ROBO2: variants seen among roughly 807,000 people sequenced by gnomAD.
ROBO2 encodes roundabout homolog 2.
Under a neutral mutation model 160.8 loss-of-function variants are expected in ROBO2, and 53 were observed. The ratio of observed to expected loss-of-function variants is 0.33; its 90% CI spans 0.26 to 0.41. The LOEUF (loss-of-function observed/expected upper bound fraction) is 0.41, where lower values mean the gene tolerates loss of function less well. ROBO2 is among the 10% of genes least tolerant of loss of function. ROBO2 has a pLI of 1.00. For missense variants in ROBO2, 1,577 were observed against 1,722.4 expected (o/e 0.92, Z 1.49); for synonymous variants, 664 against 611.7 (o/e 1.09, Z -1.26).
intron 2 of ROBO2, among the ~76,000 whole-genome samples, chr3:76,031,572 A>G (rs1250108583): frequency 6.6e-6 from 1 of 152,164 alleles, no homozygotes; most frequent in Non-Finnish European, 1.5e-5. Context: ...TTTAGCATGA[A>G]GGGCTGTTGA....
intron 2 of ROBO2, among the ~76,000 whole-genome samples, chr3:76,905,935 GC>G (rs909955908): frequency 9.9e-5 from 15 of 152,084 alleles, no homozygotes; most frequent in African/African-American, 3.4e-4. Context: ...TCTCTTAATG[GC>G]TTTATTTTTC....
At chr3:77,432,061 A>C (rs1319926344) in intron 2 of ROBO2, among the ~76,000 whole-genome samples, 1 of 152,176 alleles carries the variant, frequency 6.6e-6, no homozygotes, top group Admixed American at 6.5e-5. Context: ...GCAGCATATA[A>C]TGAATGTGCA....
chr3:77,126,782 C>CTTTTT (rs11365042), intron 2 of ROBO2, among the ~76,000 whole-genome samples: 68 of 62,606 alleles, frequency 1.1e-3, no homozygotes, highest in Middle Eastern at 0.017. Context: ...TTTGAAACTT[C>CTTTTT]TTTTTTTTTT....
chr3:76,255,606 AT>A (rs1471821095), intron 2 of ROBO2, among the ~76,000 whole-genome samples: 1 of 151,894 alleles, frequency 6.6e-6, no homozygotes, highest in South Asian at 2.1e-4. Flanking sequence ...CAAAAAAAAA[AT>A]TTGAGTATTT....
chr3:76,435,063 AAGTGTGT>A (rs2076609136), intron 2 of ROBO2: 2 of 1,110,764 alleles, frequency 1.8e-6, no homozygotes, highest in Admixed American at 3.4e-5. Context: ...TTACATATAC[AAGTGTGT>A]CAACATGACA....
chr3:76,284,339 C>G (rs530829772), intron 2 of ROBO2, among the ~76,000 whole-genome samples: 3 of 151,958 alleles, frequency 2.0e-5, no homozygotes, highest in East Asian at 1.9e-4. Context: ...TCTGGTCTTT[C>G]CCTGATGTTT....
chr3:77,507,523 T>G (rs1413975289), intron 5 of ROBO2, among the ~76,000 whole-genome samples: 15 of 152,208 alleles, frequency 9.9e-5, no homozygotes, highest in Admixed American at 3.3e-4. Context: ...ACTTCCAGTC[T>G]GAGCTGTGAG....
At chr3:77,374,699 A>G (rs1297694924) in intron 2 of ROBO2, among the ~76,000 whole-genome samples, 1 of 152,182 alleles carries the variant, frequency 6.6e-6, no homozygotes, top group Non-Finnish European at 1.5e-5. Flanking sequence ...GGTTTAAAAT[A>G]TACTTTGCTG....
intron 2 of ROBO2, among the ~76,000 whole-genome samples, chr3:76,597,822 G>C (rs1236051542): frequency 1.3e-5 from 2 of 152,070 alleles, no homozygotes; most frequent in East Asian, 3.9e-4. Context: ...GCATTAGTTT[G>C]TTAAGGATTA....
intron 2 of ROBO2, among the ~76,000 whole-genome samples, chr3:77,417,468 G>A (rs768047037): frequency 3.9e-5 from 6 of 152,058 alleles, no homozygotes; most frequent in East Asian, 1.9e-4. Flanking sequence ...AATGATAATA[G>A]TTTTAAGATT....
At position 76,554,986 on chromosome 3, in the gene ROBO2, T is replaced by A. The variant is rs1328175262; in HGVS notation, c.110-543028T>A. Among the ~76,000 whole-genome samples the A allele has an allele frequency of 2.0e-5, 3 of 152,022 alleles. No homozygotes were observed. The East Asian group carries it at 5.8e-4, about 29-fold the overall frequency. The stretch of plus-strand genomic sequence containing the variant: ...ATGCTTGCACAACAAAAGCATGTGG[T>A]TAAAATCTATTTTTGTCACCAGCAA... On this transcript the variant is annotated intron_variant, in intron 2 of 26. Transcript: ENST00000487694.
At chr3:77,209,318 A>T (rs1166457341) in intron 2 of ROBO2, among the ~76,000 whole-genome samples, 1 of 152,196 alleles carries the variant, frequency 6.6e-6, no homozygotes, top group South Asian at 2.1e-4. Flanking sequence ...CAAAATATTT[A>T]TATTACAAAA....
At chr3:77,201,207 A>G (rs1021312539) in intron 2 of ROBO2, among the ~76,000 whole-genome samples, 4 of 152,220 alleles carry the variant, frequency 2.6e-5, no homozygotes, top group African/African-American at 9.6e-5. Flanking sequence ...CTGCTCATAA[A>G]ATAGAACAAC....
chr3:76,209,106 T>G (rs899190351), intron 2 of ROBO2, among the ~76,000 whole-genome samples: 4 of 152,206 alleles, frequency 2.6e-5, no homozygotes, highest in African/African-American at 9.6e-5. Context: ...TTGTCAGAAC[T>G]ATTTTTATTT....
intron 2 of ROBO2, among the ~76,000 whole-genome samples, chr3:76,201,779 A>T (rs1702540539): frequency 6.6e-6 from 1 of 151,884 alleles, no homozygotes; most frequent in African/African-American, 2.4e-5. Context: ...AGTGCTTTAA[A>T]TGATGTGTGG....
intron 2 of ROBO2, among the ~76,000 whole-genome samples, chr3:76,877,114 T>A (rs192827507): frequency 6.6e-6 from 1 of 152,342 alleles, no homozygotes; most frequent in African/African-American, 2.4e-5. Context: ...GTTTTGTACA[T>A]GAACATGTAA....
chr3:76,211,932 A>G (rs1002157969), intron 2 of ROBO2, among the ~76,000 whole-genome samples: 12 of 152,032 alleles, frequency 7.9e-5, no homozygotes, highest in African/African-American at 2.7e-4. Context: ...TTCTTTTAAT[A>G]TGAAACAAGT....
chr3:76,981,768 C>T (rs1268914605), intron 2 of ROBO2, among the ~76,000 whole-genome samples: 1 of 152,118 alleles, frequency 6.6e-6, no homozygotes, highest in Non-Finnish European at 1.5e-5. Flanking sequence ...CTGGTGAAAC[C>T]TCTATGAGCT....
At chr3:75,956,063 A>ATGATATGTT (rs1473385601) in intron 2 of ROBO2, among the ~76,000 whole-genome samples, 1 of 151,766 alleles carries the variant, frequency 6.6e-6, no homozygotes. Flanking sequence ...GCTTTACATC[A>ATGATATGTT]CTGTTGGCAC....
Sources: allele counts gnomAD v4.1 joint callset (sites outside exome capture counted in the v4.1 genomes callset), GRCh38; gene constraint gnomAD v4.1.1; transcripts MANE v1.5; gene names NCBI Gene and HGNC (gene_info 2026-07-23, HGNC 2026-07-21).